Variants in RBFOX1 observed in about 807,000 individuals in gnomAD.
RBFOX1 encodes RNA binding fox-1 homolog 1, also known as RNA binding protein fox-1 homolog 1.
Under a neutral mutation model 57.7 loss-of-function variants are expected in RBFOX1, and 8 were observed. The ratio of observed to expected loss-of-function variants is 0.14; its 90% CI spans 0.08 to 0.25. RBFOX1 has a LOEUF of 0.25. Among genes scored for constraint, RBFOX1 ranks in the 10% least tolerant of loss-of-function variants. The pLI, the probability that RBFOX1 is intolerant of heterozygous loss-of-function variation, is 1.00. For missense variants in RBFOX1, 611 were observed against 548.5 expected (o/e 1.11, Z -1.14); for synonymous variants, 326 against 222.4 (o/e 1.47, Z -4.15).
At chr16:6,522,995 A>G (rs558730267) in intron 2 of RBFOX1, among the ~76,000 whole-genome samples, 6 of 152,342 alleles carry the variant, frequency 3.9e-5, no homozygotes, top group East Asian at 1.9e-4. Flanking sequence ...TCTTTTAGGC[A>G]TCAAAGAACC....
chr16:5,466,485 CAG>C (rs2068957692), intron 1 of RBFOX1, among the ~76,000 whole-genome samples: 1 of 152,162 alleles, frequency 6.6e-6, no homozygotes, highest in Admixed American at 6.5e-5. Context: ...GCCCTGAAAT[CAG>C]AGAGTACTCA....
intron 2 of RBFOX1, among the ~76,000 whole-genome samples, chr16:6,580,799 A>G (rs2097526469): frequency 6.6e-6 from 1 of 152,082 alleles, no homozygotes; most frequent in African/African-American, 2.4e-5. Flanking sequence ...TCAGACACAG[A>G]TTCTGTTATC....
chr16:5,339,470 G>GATTTTTTT (rs1567354925), intron 1 of RBFOX1, among the ~76,000 whole-genome samples: 1 of 40,854 alleles, frequency 2.4e-5, no homozygotes, highest in Non-Finnish European at 4.5e-5. Context: ...CTTTTTCCGT[G>GATTTTTTT]TTTTTTTTTT....
intron 1 of RBFOX1, among the ~76,000 whole-genome samples, chr16:5,294,280 A>G (rs2063608071): frequency 6.6e-6 from 1 of 152,146 alleles, no homozygotes; most frequent in African/African-American, 2.4e-5. Flanking sequence ...ACTGATGCCC[A>G]TGTTTCATCC....
intron 6 of RBFOX1, among the ~76,000 whole-genome samples, chr16:7,583,824 A>AAAAAAACCACACC (rs779472384): frequency 0.01 from 1,524 of 152,230 alleles, 20 homozygotes; most frequent in African/African-American, 0.034. Flanking sequence ...CTACAACAAT[A>AAAAAAACCACACC]AAATCAAAAA....
chr16:5,722,783 T>C (rs1410485969), intron 3 of RBFOX1, among the ~76,000 whole-genome samples: 1 of 152,204 alleles, frequency 6.6e-6, no homozygotes, highest in Admixed American at 6.5e-5. Flanking sequence ...TATCCATCAG[T>C]CTCGGCTTAC....
chr16:6,862,983 T>TA (rs555165914), intron 3 of RBFOX1, among the ~76,000 whole-genome samples: 12,272 of 138,472 alleles, frequency 0.089, 569 homozygotes, highest in South Asian at 0.18. Flanking sequence ...AGACTCTGTC[T>TA]AAAAAAAAAA....
rs573563427 is a variant in RBFOX1, at chr16:7,254,035, C to T, written c.27+201937C>T. Among the ~76,000 whole-genome samples the T allele has an allele frequency of 3.9e-5, 6 of 152,284 alleles. No individual in the cohort carries two copies. The South Asian group carries it at 6.2e-4, about 16-fold the overall frequency. On this transcript the variant is annotated intron_variant, in intron 4 of 15. Coordinates refer to ENST00000550418, the MANE Select transcript of RBFOX1 (RefSeq NM_018723.4). Reference sequence around the variant, plus strand: ...GGATGGAAAGTGTAAATCCTCCTAACATGTTTTTGAGAGTTTACTTCACTT... The same window carrying T: ...GGATGGAAAGTGTAAATCCTCCTAATATGTTTTTGAGAGTTTACTTCACTT...
chr16:7,673,384 C>G (rs572802324), intron 13 of RBFOX1, among the ~76,000 whole-genome samples: 1 of 152,206 alleles, frequency 6.6e-6, no homozygotes, highest in South Asian at 2.1e-4. Context: ...TTCCTTGCCA[C>G]CATTAATACC....
chr16:5,650,533 T>C (rs1029098880), intron 3 of RBFOX1, among the ~76,000 whole-genome samples: 1 of 152,192 alleles, frequency 6.6e-6, no homozygotes, highest in East Asian at 1.9e-4. Flanking sequence ...AATTCATTCT[T>C]TGGCTTTGGG....
chr16:5,758,899 T>G (rs2053490666), intron 3 of RBFOX1, among the ~76,000 whole-genome samples: 1 of 152,174 alleles, frequency 6.6e-6, no homozygotes, highest in Non-Finnish European at 1.5e-5. Context: ...AACATGAACT[T>G]GACTCCACTT....
intron 1 of RBFOX1, among the ~76,000 whole-genome samples, chr16:5,414,945 G>C (rs901015917): frequency 6.6e-6 from 1 of 152,120 alleles, no homozygotes; most frequent in African/African-American, 2.4e-5. Flanking sequence ...TTTTACCCTT[G>C]GTGGAGGCTT....
chr16:5,685,545 G>T (rs551238171), intron 3 of RBFOX1, among the ~76,000 whole-genome samples: 1 of 152,318 alleles, frequency 6.6e-6, no homozygotes, highest in African/African-American at 2.4e-5. Flanking sequence ...GAATGCAGTT[G>T]CATTATTAGC....
At chr16:5,980,916 C>T (rs539249474) in intron 4 of RBFOX1, among the ~76,000 whole-genome samples, 4 of 152,228 alleles carry the variant, frequency 2.6e-5, no homozygotes, top group Admixed American at 6.5e-5. Flanking sequence ...TAACTACCTT[C>T]TATGTGCCAC....
At chr16:7,542,196 C>T (rs768766802) in intron 5 of RBFOX1, among the ~76,000 whole-genome samples, 3 of 152,262 alleles carry the variant, frequency 2.0e-5, no homozygotes, top group Non-Finnish European at 2.9e-5. Flanking sequence ...CTACCTGGGC[C>T]AGAGAGATAT....
At chr16:7,474,627 CCTGGCTCTAAAGTCGGA>C (rs1447725767) in intron 4 of RBFOX1, among the ~76,000 whole-genome samples, 3 of 152,178 alleles carry the variant, frequency 2.0e-5, no homozygotes, top group African/African-American at 7.2e-5. Context: ...TATTAAGGAG[CCTGGCTCTAAAGTCGGA>C]CTGGCTTTCA....
At chr16:7,091,589 A>G (rs540641907) in intron 4 of RBFOX1, among the ~76,000 whole-genome samples, 4 of 151,922 alleles carry the variant, frequency 2.6e-5, no homozygotes, top group Non-Finnish European at 4.4e-5. Context: ...AGAGTCCTCT[A>G]CCTCCCAGAG....
intron 4 of RBFOX1, among the ~76,000 whole-genome samples, chr16:7,081,619 G>C (rs1378269627): frequency 6.6e-6 from 1 of 152,188 alleles, no homozygotes; most frequent in Admixed American, 6.5e-5. Flanking sequence ...AGTACAAATT[G>C]ATCATCTCAC....
intron 1 of RBFOX1, among the ~76,000 whole-genome samples, chr16:6,212,500 G>T (rs2097304924): frequency 6.6e-6 from 1 of 152,116 alleles, no homozygotes; most frequent in Admixed American, 6.5e-5. Context: ...GAGGTCAGGA[G>T]ATCAAGACCA....
Sources: gnomAD v4.1 joint callset for allele counts (sites outside exome capture counted in the v4.1 genomes callset) on GRCh38, gnomAD v4.1.1 for gene constraint, MANE v1.5 for transcripts, NCBI Gene and HGNC (gene_info 2026-07-23, HGNC 2026-07-21) for gene names.